RBFOX1: variants seen among roughly 807,000 people sequenced by gnomAD.
RBFOX1 encodes the protein RNA binding protein fox-1 homolog 1.
A neutral mutation model predicts 57.7 loss-of-function variants in RBFOX1; 8 were observed. That is an observed-to-expected ratio of 0.14 (90% CI 0.08 to 0.25). The LOEUF is 0.25. Ranked by LOEUF, RBFOX1 falls within the 10% of genes least tolerant of loss-of-function variation. The probability of loss-of-function intolerance (pLI) is 1.00; values close to 1 mark genes in which losing one functional copy is unlikely to be tolerated. For synonymous variants in RBFOX1, 326 were observed against 222.4 expected (o/e 1.47, Z -4.15); for missense variants, 611 against 548.5 (o/e 1.11, Z -1.14).
At chr16:5,309,463 C>T (rs2064024879) in intron 1 of RBFOX1, among the ~76,000 whole-genome samples, 1 of 152,154 alleles carries the variant, frequency 6.6e-6, no homozygotes, top group Non-Finnish European at 1.5e-5. Flanking sequence ...GTTCATAATG[C>T]CATGCCATGC....
At chr16:7,062,317 CAAAAAAAAAAA>C (rs57989614) in intron 4 of RBFOX1, among the ~76,000 whole-genome samples, 2 of 65,336 alleles carry the variant, frequency 3.1e-5, no homozygotes, top group East Asian at 9.5e-4. Context: ...GACTCCATCT[CAAAAAAAAAAA>C]AAAAAAAAAA....
intron 3 of RBFOX1, among the ~76,000 whole-genome samples, chr16:6,670,944 G>T (rs1481422377): frequency 6.6e-6 from 1 of 152,160 alleles, no homozygotes; most frequent in Admixed American, 6.5e-5. Flanking sequence ...AGCTTGCAGC[G>T]AGCCGAGATC....
At chr16:6,122,760 C>G (rs140793815) in intron 1 of RBFOX1, among the ~76,000 whole-genome samples, 4 of 151,330 alleles carry the variant, frequency 2.6e-5, no homozygotes, top group African/African-American at 9.7e-5. Flanking sequence ...GTCATCCATT[C>G]TGCTGGGTTG....
At chr16:7,507,553 TTTTC>T (rs983706763) in intron 4 of RBFOX1, among the ~76,000 whole-genome samples, 11 of 98,294 alleles carry the variant, frequency 1.1e-4, no homozygotes, top group Non-Finnish European at 3.0e-4. Flanking sequence ...GTGATTTTTT[TTTTC>T]TTTCTTTCTT....
At chr16:7,244,750 C>G (rs904362581) in intron 4 of RBFOX1, among the ~76,000 whole-genome samples, 3 of 152,136 alleles carry the variant, frequency 2.0e-5, no homozygotes, top group African/African-American at 4.8e-5. Context: ...GTATTAAATC[C>G]AGGACCTGGG....
chr16:6,995,596 C>G (rs1397335986), intron 3 of RBFOX1, among the ~76,000 whole-genome samples: 2 of 151,980 alleles, frequency 1.3e-5, no homozygotes, highest in African/African-American at 2.4e-5. Context: ...CTTGTCTCTA[C>G]TAAACATACA....
chr16:7,704,545 T>C lies in RBFOX1; in HGVS notation c.996-4511T>C, dbSNP rs546500178. On this transcript the variant is annotated intron_variant, in intron 14 of 15. Transcript: ENST00000550418. ...TCTCTCCCAGGCCCCATTTCTCTCTTTACTCCTTTGTCTTGCTGCCTCCTC... is the reference window on the plus strand; with the variant it reads ...TCTCTCCCAGGCCCCATTTCTCTCTCTACTCCTTTGTCTTGCTGCCTCCTC... Among the ~76,000 whole-genome samples, 3 of 152,256 alleles carry C rather than the reference T, an allele frequency of 2.0e-5. No homozygotes were observed. The South Asian group carries it at 6.2e-4, about 32-fold the overall frequency.
At chr16:6,835,548 T>A (rs948788153) in intron 3 of RBFOX1, among the ~76,000 whole-genome samples, 5 of 151,684 alleles carry the variant, frequency 3.3e-5, no homozygotes, top group South Asian at 4.2e-4. Flanking sequence ...GGCCAGGAGT[T>A]TGAGACCAGC....
chr16:5,691,490 G>A (rs1411533817), intron 3 of RBFOX1, among the ~76,000 whole-genome samples: 1 of 152,190 alleles, frequency 6.6e-6, no homozygotes, highest in African/African-American at 2.4e-5. Flanking sequence ...TTTAAAATAT[G>A]TATATATTTG....
chr16:6,497,592 T>C (rs2153164153), intron 2 of RBFOX1, among the ~76,000 whole-genome samples: 1 of 151,634 alleles, frequency 6.6e-6, no homozygotes, highest in South Asian at 2.1e-4. Context: ...GTTTTGCTCT[T>C]GTCACCCAGG....
intron 5 of RBFOX1, among the ~76,000 whole-genome samples, chr16:7,556,339 A>C (rs1054745341): frequency 6.6e-6 from 1 of 152,142 alleles, no homozygotes; most frequent in Non-Finnish European, 1.5e-5. Flanking sequence ...CCTCCATTTC[A>C]TTAAACCACG....
At chr16:6,248,365 T>G (rs1272002979) in intron 1 of RBFOX1, among the ~76,000 whole-genome samples, 1 of 152,182 alleles carries the variant, frequency 6.6e-6, no homozygotes, top group Admixed American at 6.5e-5. Flanking sequence ...TTTCACAGCC[T>G]GTCTCCCGGT....
At chr16:6,494,846 G>A (rs1476253824) in intron 2 of RBFOX1, among the ~76,000 whole-genome samples, 2 of 152,108 alleles carry the variant, frequency 1.3e-5, no homozygotes, top group African/African-American at 2.4e-5. Flanking sequence ...ACATAAACAC[G>A]GCACTAAATG....
chr16:6,704,012 A>C (rs1209578787), intron 3 of RBFOX1: 1 of 152,264 alleles, frequency 6.6e-6, no homozygotes, highest in Non-Finnish European at 1.5e-5. Flanking sequence ...CTCTCCTCTG[A>C]CTTCTACTTC....
chr16:5,412,786 G>C (rs1340066974), intron 1 of RBFOX1, among the ~76,000 whole-genome samples: 7 of 152,220 alleles, frequency 4.6e-5, no homozygotes, highest in African/African-American at 1.7e-4. Flanking sequence ...CCCTAGGGCT[G>C]GCACCTACAC....
At chr16:7,016,915 C>G (rs1157678534) in intron 3 of RBFOX1, among the ~76,000 whole-genome samples, 8 of 152,150 alleles carry the variant, frequency 5.3e-5, no homozygotes, top group African/African-American at 1.9e-4. Context: ...CTTGAAATCC[C>G]TCACTGGCAT....
chr16:7,414,219 G>C (rs548730987), intron 4 of RBFOX1, among the ~76,000 whole-genome samples: 19 of 152,282 alleles, frequency 1.2e-4, no homozygotes, highest in African/African-American at 4.6e-4. Context: ...CAGGTGGTAG[G>C]GATACAGAAA....
intron 2 of RBFOX1, among the ~76,000 whole-genome samples, chr16:5,523,907 C>G (rs1418840794): frequency 6.6e-6 from 1 of 152,186 alleles, no homozygotes; most frequent in Non-Finnish European, 1.5e-5. Context: ...TTCGGCTGCA[C>G]AGGGACGGAC....
intron 3 of RBFOX1, among the ~76,000 whole-genome samples, chr16:6,946,979 C>T (rs1366592262): frequency 2.0e-5 from 3 of 152,148 alleles, no homozygotes; most frequent in African/African-American, 7.2e-5. Flanking sequence ...TGAATCCCAG[C>T]CTGACCAGTT....
Sources: allele counts gnomAD v4.1 joint callset (sites outside exome capture counted in the v4.1 genomes callset), GRCh38; gene constraint gnomAD v4.1.1; transcripts MANE v1.5; gene names NCBI Gene and HGNC (gene_info 2026-07-23, HGNC 2026-07-21).